Variants in IGSF10 observed in about 807,000 individuals in gnomAD.
IGSF10 encodes calvaria mechanical force protein 608.
IGSF10 carries 126 observed loss-of-function variants against 128.2 expected under a neutral mutation model. That is an observed-to-expected ratio of 0.98 (90% CI 0.85 to 1.14). The LOEUF is 1.14. Among genes scored for constraint, IGSF10 ranks in the 50% most tolerant of loss-of-function variants. IGSF10 has a pLI of 0.00. For missense variants in IGSF10, 3,295 were observed against 3,149.8 expected (o/e 1.05, Z -1.10); for synonymous variants, 1,185 against 1,146.2 (o/e 1.03, Z -0.68).
the IGSF10 span, among the ~76,000 whole-genome samples, chr3:151,584,164 T>G: frequency 6.6e-6 from 1 of 152,212 alleles, no homozygotes; most frequent in Non-Finnish European, 1.5e-5. Context: ...TTTTTATATC[T>G]TCCTGGTGGA....
At position 151,437,635 on chromosome 3, in the gene IGSF10, G is replaced by A. The variant is rs1720469449; in HGVS notation, c.6926C>T (p.Ala2309Val). The A allele has an allele frequency of 6.2e-7, 1 of 1,614,032 alleles. No individual in the cohort carries two copies. The highest frequency in any genetic ancestry group is 8.5e-7 in the Non-Finnish European group (1 of 1,180,038). ...ATTTCGGGCCACACAGATAAAGTCG[G>A]CTGAATCTGAAAGCCTCACATTCCT... is the stretch of plus-strand genomic sequence containing the variant. Reference protein sequence around the residue: ...EIRNVRLSDSADFICVARNEG... With the variant: ...EIRNVRLSDSVDFICVARNEG... The change falls in exon 8 of 8, where the codon GCC becomes GTC. Residue 2309 changes from alanine to valine, a missense_variant. Physicochemically the swap from Ala to Val is moderately conservative, Grantham distance 64. Transcript: ENST00000282466.
chr3:151,448,902 G>A lies in IGSF10; in HGVS notation c.1079C>T (p.Thr360Ile). Residue 360 changes from threonine to isoleucine, a missense_variant, in exon 6 of 8, where the codon ACA becomes ATA. Thr to Ile is a moderately conservative substitution (Grantham distance 89). Coordinates refer to ENST00000282466, the MANE Select transcript of IGSF10 (RefSeq NM_178822.5). ...DYIVLNTSFS[T>I]FLVCNIDYGH... The stretch of plus-strand genomic sequence containing the variant: ...GTAATCTATGTTGCACACCAAAAAT[G>A]TTGAAAATGAAGTATTTAGCACGAT... 5.6e-6 allele frequency: 9 copies of A among 1,614,210 alleles called. No individual in the cohort carries two copies. Among genetic ancestry groups the A allele is most frequent in the Non-Finnish European group, 6.8e-6 (8 of 1,180,044 alleles).
chr3:151,463,639 T>C (rs1405078800), upstream of IGSF10, among the ~76,000 whole-genome samples: 1 of 145,334 alleles, frequency 6.9e-6, no homozygotes, highest in Non-Finnish European at 1.5e-5. Flanking sequence ...CTCCACTTTC[T>C]GGGTTCAAGC....
Position 151,445,835 on chromosome 3 carries a change from G to A in IGSF10, c.4146C>T (p.Ala1382=), listed in dbSNP as rs139390686. The change falls in exon 6 of 8, where the codon GCC becomes GCT. Residue 1382 remains alanine (A), a synonymous_variant. Transcript: ENST00000282466. ...TAMTPPVLTT[A]ETSVKPSVSA... ...AGACACTGGGCTTGACTGAAGTTTC[G>A]GCTGTGGTTAGAACAGGAGGTGTCA... 18,435 of 1,614,140 alleles carry A rather than the reference G, an allele frequency of 0.011. 129 individuals are homozygous for A. The highest frequency in any genetic ancestry group is 0.015 in the Middle Eastern group (92 of 6,062).
At chr3:151,570,665 T>G in the IGSF10 span, among the ~76,000 whole-genome samples, 3 of 152,214 alleles carry the variant, frequency 2.0e-5, no homozygotes, top group South Asian at 6.2e-4. Context: ...TTGCAAAAAT[T>G]TTCTCCCATT....
chr3:151,490,505 ATT>A, the IGSF10 span, among the ~76,000 whole-genome samples: 43,220 of 148,968 alleles, frequency 0.29, 6,788 homozygotes, highest in Middle Eastern at 0.39. Context: ...TTTGAACTGC[ATT>A]TTTTTTTTTT....
chr3:151,465,413 G>A (rs1317364483), upstream of IGSF10, among the ~76,000 whole-genome samples: 1 of 152,206 alleles, frequency 6.6e-6, no homozygotes, highest in Admixed American at 6.5e-5. Flanking sequence ...TCTGGTCGCT[G>A]TAAATGCTCT....
the IGSF10 span, among the ~76,000 whole-genome samples, chr3:151,535,876 G>T: frequency 1.3e-5 from 2 of 152,092 alleles, no homozygotes; most frequent in South Asian, 2.1e-4. Flanking sequence ...ACTCATTTTT[G>T]AAATTGATGG....
At chr3:151,583,192 T>C in the IGSF10 span, among the ~76,000 whole-genome samples, 3 of 152,004 alleles carry the variant, frequency 2.0e-5, no homozygotes, top group African/African-American at 7.2e-5. Flanking sequence ...TTATTATTTG[T>C]TCTTTCTTAT....
At chr3:151,498,081 AATGGGATTTCCTAGATATACAATCATGTC>A in the IGSF10 span, among the ~76,000 whole-genome samples, 1 of 152,254 alleles carries the variant, frequency 6.6e-6, no homozygotes, top group African/African-American at 2.4e-5. Context: ...GGGCTGAGAC[AATGGGATTTCCTAGATATACAATCATGTC>A]ATCTGTAAAC....
chr3:151,504,021 C>G, the IGSF10 span, among the ~76,000 whole-genome samples: 1 of 151,958 alleles, frequency 6.6e-6, no homozygotes, highest in Admixed American at 6.6e-5. Context: ...TCCCTAGGAG[C>G]AATTTGGGAT....
upstream of IGSF10, among the ~76,000 whole-genome samples, chr3:151,464,987 T>G (rs1722230843): frequency 6.6e-6 from 1 of 152,150 alleles, no homozygotes; most frequent in Admixed American, 6.5e-5. Context: ...ATGGGTACAG[T>G]TTTGGAAGAT....
chr3:151,537,758 C>T, the IGSF10 span, among the ~76,000 whole-genome samples: 1 of 152,162 alleles, frequency 6.6e-6, no homozygotes, highest in South Asian at 2.1e-4. Context: ...TTTTGTCAAG[C>T]TCTCTGATCT....
At chr3:151,601,955 G>A in the IGSF10 span, among the ~76,000 whole-genome samples, 5 of 152,074 alleles carry the variant, frequency 3.3e-5, no homozygotes, top group Admixed American at 1.3e-4. Context: ...TGCTTTTTGG[G>A]AAATCTGAGA....
At chr3:151,617,308 TTC>T in the IGSF10 span, among the ~76,000 whole-genome samples, 1 of 130,644 alleles carries the variant, frequency 7.7e-6, no homozygotes, top group East Asian at 2.2e-4. Context: ...CTTCTTCTTC[TTC>T]TTCTTCTTCC....
chr3:151,445,242 T>C lies in IGSF10; in HGVS notation c.4739A>G (p.Tyr1580Cys), dbSNP rs775711901. Residue 1580 changes from tyrosine to cysteine, a missense_variant, in exon 6 of 8, where the codon TAC (tyrosine) becomes TGC (cysteine). Transcript: ENST00000282466. ...TTTGCCTTTTTCAGCAATTTCTGAGTATGGTTTGTGCCAAAATTGGTTTTC... is the reference window on the plus strand; with the variant it reads ...TTTGCCTTTTTCAGCAATTTCTGAGCATGGTTTGTGCCAAAATTGGTTTTC... ...WAENQFWHKPYSEIAEKGKKP... is the reference protein window; with the variant it reads ...WAENQFWHKPCSEIAEKGKKP... 6 of 1,614,088 alleles carry C rather than the reference T, an allele frequency of 3.7e-6. No individual in the cohort carries two copies. Among genetic ancestry groups the C allele is most frequent in the Non-Finnish European group, 5.1e-6 (6 of 1,180,046 alleles).
At chr3:151,463,523 G>GGT (rs1553837068), upstream of IGSF10, among the ~76,000 whole-genome samples, 11 of 31,268 alleles carry the variant, frequency 3.5e-4, no homozygotes, top group African/African-American at 6.1e-4. Context: ...ACATTTTCTG[G>GGT]TTTTTTTTTT....
chr3:151,498,684 C>T, the IGSF10 span, among the ~76,000 whole-genome samples: 2 of 152,100 alleles, frequency 1.3e-5, no homozygotes, highest in South Asian at 2.1e-4. Flanking sequence ...TGAAAATTTA[C>T]ACATCTTCAT....
the IGSF10 span, among the ~76,000 whole-genome samples, chr3:151,617,320 C>CTTCTTCTTCTTCTTCTTCTTCTCCTCCT: frequency 1.2e-5 from 1 of 83,630 alleles, no homozygotes; most frequent in African/African-American, 5.2e-5. Context: ...CTTCTTCTTC[C>CTTCTTCTTCTTCTTCTTCTTCTCCTCCT]CCTCCTCCTC....
Sources: allele counts gnomAD v4.1 joint callset (sites outside exome capture counted in the v4.1 genomes callset), GRCh38; gene constraint gnomAD v4.1.1; transcripts MANE v1.5; gene names NCBI Gene and HGNC (gene_info 2026-07-23, HGNC 2026-07-21).